Variants in MSANTD2 observed in about 807,000 individuals in gnomAD.
MSANTD2 encodes Myb/SANT DNA binding domain containing 2.
A neutral mutation model predicts 52.6 loss-of-function variants in MSANTD2; 19 were observed. That is an observed-to-expected ratio of 0.36 (90% CI 0.25 to 0.53). The LOEUF is 0.53. Ranked by LOEUF, MSANTD2 falls within the 20% of genes least tolerant of loss-of-function variation. The pLI is 0.91. For missense variants in MSANTD2, 558 were observed against 716.3 expected, an observed-to-expected ratio of 0.78 and a Z score of 2.52; for synonymous variants, 291 against 289.7, an observed-to-expected ratio of 1.00 and a Z score of -0.04.
intron 1 of MSANTD2, among the ~76,000 whole-genome samples, chr11:124,780,797 A>G (rs1944933009): frequency 6.6e-6 from 1 of 152,242 alleles, no homozygotes; most frequent in Non-Finnish European, 1.5e-5. Context: ...TTCACTCACT[A>G]TTCTGTTCAT....
At chr11:124,786,351 T>C (rs560471766) in intron 1 of MSANTD2, among the ~76,000 whole-genome samples, 13 of 152,288 alleles carry the variant, frequency 8.5e-5, no homozygotes, top group Admixed American at 4.6e-4. Context: ...GTATATCATA[T>C]ATTAAAAAAC....
intron 3 of MSANTD2, among the ~76,000 whole-genome samples, chr11:124,768,889 T>C (rs187989808): frequency 1.6e-4 from 24 of 152,352 alleles, no homozygotes; most frequent in East Asian, 7.7e-4. Context: ...GCTTAAATCA[T>C]GTAATTTGTA....
Position 124,774,561 on chromosome 11 carries a change from C to T in MSANTD2, c.766+158G>A, listed in dbSNP as rs1360782191. Among the ~76,000 whole-genome samples, 1 of 152,190 alleles carries T rather than the reference C, an allele frequency of 6.6e-6. No homozygotes were observed. Among genetic ancestry groups the T allele is most frequent in the Non-Finnish European group, 1.5e-5 (1 of 68,036 alleles). ...CCAAATAGACTGGGACATGCAAATT[C>T]ATGAAAGACATACAAGGCAGAGATG... is the stretch of plus-strand genomic sequence containing the variant. On this transcript the variant is annotated intron_variant, in intron 2 of 3. Transcript: ENST00000374979. This position sits in a 1 kb window ranked among gnomAD's most constrained non-coding sequence, Gnocchi z 5.1.
At chr11:124,798,376 A>G (rs1256530111) in intron 1 of MSANTD2, among the ~76,000 whole-genome samples, 1 of 152,096 alleles carries the variant, frequency 6.6e-6, no homozygotes, top group Admixed American at 6.5e-5. Context: ...TCTAAATATA[A>G]ATAAATAAAA....
At chr11:124,797,789 G>A (rs1222719470) in intron 1 of MSANTD2, among the ~76,000 whole-genome samples, 1 of 152,062 alleles carries the variant, frequency 6.6e-6, no homozygotes, top group East Asian at 1.9e-4. Context: ...GGTCAACTTG[G>A]TTTTACCTGT....
chr11:124,796,500 C>T (rs929685702), intron 1 of MSANTD2, among the ~76,000 whole-genome samples: 2 of 152,126 alleles, frequency 1.3e-5, no homozygotes, highest in African/African-American at 2.4e-5. Context: ...TGGCTATTTA[C>T]AGGTGCTATG....
At chr11:124,769,839 C>A (rs1395751076) in intron 3 of MSANTD2, among the ~76,000 whole-genome samples, 2 of 152,186 alleles carry the variant, frequency 1.3e-5, no homozygotes, top group Non-Finnish European at 2.9e-5. Context: ...TAAATAAACT[C>A]TTGCACTGGA....
At position 124,766,969 on chromosome 11, in the gene MSANTD2, T is replaced by C. The variant is rs1944322729; in HGVS notation, c.*207A>G. 1.9e-6 allele frequency: 1 copy of C among 523,584 alleles called. No homozygotes were observed. The highest frequency in any genetic ancestry group is 3.3e-6 in the Non-Finnish European group (1 of 301,110). The allele number at this position is 523,584 out of a possible 1,614,324, so 32.4% of individuals were successfully genotyped here. A position where few individuals can be genotyped will look rare whatever the true frequency, so the allele number is the denominator to read the frequency against. On this transcript the variant is annotated 3_prime_UTR_variant, in exon 4 of 4. Transcript: ENST00000374979. ...CACCATGCAAGTTCGCTATATATCT[T>C]GCTTGCTCAAAATGAGCATTTTCAG...
intron 1 of MSANTD2, among the ~76,000 whole-genome samples, chr11:124,782,530 C>G (rs1184601531): frequency 6.6e-6 from 1 of 152,152 alleles, no homozygotes; most frequent in Non-Finnish European, 1.5e-5. Flanking sequence ...GTTCATCTTC[C>G]TCACTTAACA....
intron 3 of MSANTD2, among the ~76,000 whole-genome samples, chr11:124,771,136 G>A (rs1364347996): frequency 6.6e-6 from 1 of 152,152 alleles, no homozygotes; most frequent in African/African-American, 2.4e-5. Flanking sequence ...CCAAAGTGCT[G>A]GGATTAAAGG....
intron 3 of MSANTD2, among the ~76,000 whole-genome samples, chr11:124,770,753 G>A (rs1944485406): frequency 6.7e-6 from 1 of 149,722 alleles, no homozygotes; most frequent in African/African-American, 2.5e-5. Context: ...TTACAGGTGT[G>A]TGCCACCACG....
rs551930275 is a variant in MSANTD2 at position 124,800,216 on chromosome 11, C to T, written c.165G>A (p.Ala55=). ...CGGACGCCGCTGCCCCCGAGCCCGC[C>T]GCACTGCCCGGCCCGAGCGGGGAGG... ...RGASPLGPGS[A]AGSGAAASGG... Residue 55 remains alanine (A), a synonymous_variant, in exon 1 of 4, where the codon GCG becomes GCA. Coordinates refer to ENST00000374979, the MANE Select transcript of MSANTD2 (RefSeq NM_001308027.2). This position sits in a 1 kb window ranked among gnomAD's most constrained non-coding sequence, Gnocchi z 4.3. The T allele has an allele frequency of 4.7e-6, 7 of 1,495,872 alleles. No homozygotes were observed. In the South Asian group the frequency reaches 6.4e-5, roughly 14 times the overall value. The allele number at this position is 1,495,872 out of a possible 1,614,324, so 92.7% of individuals were successfully genotyped here.
intron 1 of MSANTD2, among the ~76,000 whole-genome samples, chr11:124,797,793 T>C (rs1328123989): frequency 6.6e-6 from 1 of 152,214 alleles, no homozygotes; most frequent in Non-Finnish European, 1.5e-5. Context: ...AACTTGGTTT[T>C]ACCTGTCTGG....
At chr11:124,788,795 A>C (rs1469831407) in intron 1 of MSANTD2, among the ~76,000 whole-genome samples, 1 of 152,228 alleles carries the variant, frequency 6.6e-6, no homozygotes, top group Non-Finnish European at 1.5e-5. Context: ...CAAAGGAATG[A>C]TATAAAATCA....
intron 1 of MSANTD2, chr11:124,784,109 G>A: frequency 1.0e-6 from 1 of 984,844 alleles, no homozygotes; most frequent in Non-Finnish European, 1.2e-6. Context: ...AGTCACCAAA[G>A]ATAGCAGATA....
intron 3 of MSANTD2, 90 bp from the exon 4 acceptor site, chr11:124,768,118 C>T: frequency 1.6e-6 from 2 of 1,270,622 alleles, no homozygotes; most frequent in Non-Finnish European, 1.1e-6. Context: ...TGTTCTGTAT[C>T]TGCTGCCCAA....
Position 124,799,040 on chromosome 11 carries a change from C to T in MSANTD2, c.510+831G>A, listed in dbSNP as rs79089091. ...ATTTCTAGCCCAAATTAAGCCTCTG[C>T]ATTTAAACATGCAGGTACACAAGGA... On this transcript the variant is annotated intron_variant, in intron 1 of 3. Coordinates refer to ENST00000374979, the MANE Select transcript of MSANTD2 (RefSeq NM_001308027.2). Among the ~76,000 whole-genome samples, 450 of 152,314 alleles carry T rather than the reference C, an allele frequency of 3.0e-3. 14 individuals are homozygous for T. The East Asian group carries it at 0.067, about 23-fold the overall frequency.
chr11:124,788,155 C>A (rs1191295722), intron 1 of MSANTD2, among the ~76,000 whole-genome samples: 1 of 150,198 alleles, frequency 6.7e-6, no homozygotes, highest in African/African-American at 2.5e-5. Flanking sequence ...TGGTGACTAA[C>A]ACACTGACAT....
At chr11:124,777,582 G>C (rs544286249) in intron 1 of MSANTD2, among the ~76,000 whole-genome samples, 1 of 152,312 alleles carries the variant, frequency 6.6e-6, no homozygotes, top group African/African-American at 2.4e-5. Context: ...TACAGATATG[G>C]AAGAAAAGTC....
Sources: allele counts gnomAD v4.1 joint callset (sites outside exome capture counted in the v4.1 genomes callset), GRCh38; gene constraint gnomAD v4.1.1; non-coding constraint Gnocchi (gnomAD v3.1); transcripts MANE v1.5; gene names NCBI Gene and HGNC (gene_info 2026-07-23, HGNC 2026-07-21).